KAZN: variants seen among roughly 807,000 people sequenced by gnomAD.
KAZN encodes kazrin.
A neutral mutation model predicts 87.4 loss-of-function variants in KAZN; 40 were observed. The ratio of observed to expected loss-of-function variants is 0.46; its 90% CI spans 0.36 to 0.60. KAZN has a LOEUF of 0.60. Ranked by LOEUF, KAZN falls within the 20% of genes least tolerant of loss-of-function variation. The probability of loss-of-function intolerance (pLI) is 0.00; values close to 1 mark genes in which losing one functional copy is unlikely to be tolerated. For missense variants in KAZN, 898 were observed against 1,073.9 expected (o/e 0.84, Z 2.29); for synonymous variants, 466 against 458.3 (o/e 1.02, Z -0.22).
intron 1 of KAZN, among the ~76,000 whole-genome samples, chr1:14,681,623 A>G (rs1403986552): frequency 0.043 from 389 of 9,138 alleles, 9 homozygotes; most frequent in South Asian, 0.085. Context: ...GTATATATAT[A>G]TATATATATA....
chr1:14,126,581 A>G (rs924793712), intron 1 of KAZN, among the ~76,000 whole-genome samples: 1 of 152,170 alleles, frequency 6.6e-6, no homozygotes, highest in Non-Finnish European at 1.5e-5. Context: ...TGACCTAATG[A>G]CAGACATGGC....
chr1:13,980,827 A>G (rs748117153), intron 1 of KAZN, among the ~76,000 whole-genome samples: 11 of 151,770 alleles, frequency 7.2e-5, no homozygotes, highest in African/African-American at 1.7e-4. Context: ...GGCTGAGATG[A>G]CTCAAATGAT....
intron 2 of KAZN, among the ~76,000 whole-genome samples, chr1:14,420,926 G>A (rs1017372488): frequency 6.3e-5 from 8 of 126,370 alleles, no homozygotes; most frequent in African/African-American, 2.1e-4. Flanking sequence ...ACACCTCCCC[G>A]CAAGCAGAGG....
chr1:15,067,771 T>C (rs1402132283), intron 8 of KAZN: 11 of 985,272 alleles, frequency 1.1e-5, no homozygotes, highest in Middle Eastern at 5.2e-4. Flanking sequence ...CCAAACTGTT[T>C]AACCGAGCCT....
intron 1 of KAZN, among the ~76,000 whole-genome samples, chr1:14,795,665 C>T (rs1645807728): frequency 6.6e-6 from 1 of 152,128 alleles, no homozygotes; most frequent in Admixed American, 6.5e-5. Context: ...ATCTGGCTCT[C>T]ACCTCCTCTC....
intron 1 of KAZN, among the ~76,000 whole-genome samples, chr1:14,832,120 C>G (rs1176816775): frequency 6.6e-6 from 1 of 151,558 alleles, no homozygotes; most frequent in Non-Finnish European, 1.5e-5. Context: ...CACTTGAACC[C>G]AGGAGGCAGA....
intron 7 of KAZN, among the ~76,000 whole-genome samples, chr1:15,064,799 G>A (rs182511150): frequency 8.5e-5 from 13 of 152,326 alleles, no homozygotes; most frequent in Non-Finnish European, 1.5e-5. Context: ...GCCCTGGCAC[G>A]GCAGACAGGG....
At chr1:13,909,560 G>A (rs1237681398) in intron 1 of KAZN, among the ~76,000 whole-genome samples, 1 of 151,564 alleles carries the variant, frequency 6.6e-6, no homozygotes, top group African/African-American at 2.4e-5. Flanking sequence ...CCACCCACCT[G>A]TTCCTACACC....
At chr1:14,728,881 G>A (rs950076685) in intron 1 of KAZN, among the ~76,000 whole-genome samples, 2 of 152,282 alleles carry the variant, frequency 1.3e-5, no homozygotes, top group South Asian at 2.1e-4. Context: ...TTAGATGAGC[G>A]AGCATGTGAG....
At chr1:14,799,113 C>G (rs1293462389) in intron 1 of KAZN, among the ~76,000 whole-genome samples, 1 of 152,104 alleles carries the variant, frequency 6.6e-6, no homozygotes, top group East Asian at 1.9e-4. Context: ...GAACAGAGAC[C>G]CAGTAAGACA....
At chr1:14,180,566 A>G (rs1270524657) in exon 2 of KAZN, 2 of 1,550,100 alleles carry the variant, frequency 1.3e-6, no homozygotes, top group Non-Finnish European at 1.7e-6. Context: ...CATGATATTG[A>G]TGAGGCACCT....
At chr1:14,675,943 C>T (rs903603993) in intron 1 of KAZN, among the ~76,000 whole-genome samples, 3 of 152,058 alleles carry the variant, frequency 2.0e-5, no homozygotes, top group Non-Finnish European at 4.4e-5. Flanking sequence ...CTCTACACCC[C>T]GAGTATGGTT....
In KAZN at chr1:14,571,198, AAG is replaced by A. The variant is rs1200098468; in HGVS notation, c.250-27783_250-27782del. Among the ~76,000 whole-genome samples, 3 of 152,002 alleles carry A rather than the reference AAG, an allele frequency of 2.0e-5. No homozygotes were observed. In the East Asian group the frequency reaches 5.8e-4, roughly 29 times the overall value. Reference sequence around the variant, plus strand: ...AGAAACGTACATAGAATTCAAAACTAAGAACTGTGAGCACAGTCAATTTTTTC... The same window carrying A: ...AGAAACGTACATAGAATTCAAAACTAAACTGTGAGCACAGTCAATTTTTTC... On this transcript the variant is annotated intron_variant, in intron 2 of 16. Transcript: ENST00000636203.
rs139170895 is a variant in KAZN at position 13,984,448 on chromosome 1, A to G, written c.91+90692A>G. ...GAAGTGTAAATTCAAACAACTCCCT[A>G]GAAAGCAACTTGAGCACAAATAAAT... On this transcript the variant is annotated intron_variant, in intron 1 of 16. Transcript: ENST00000636203. Among the ~76,000 whole-genome samples the G allele has an allele frequency of 3.3e-5, 5 of 152,334 alleles. No individual in the cohort carries two copies. The East Asian group carries it at 9.6e-4, about 29-fold the overall frequency.
At chr1:14,890,693 C>G (rs2101158330) in intron 1 of KAZN, among the ~76,000 whole-genome samples, 1 of 152,166 alleles carries the variant, frequency 6.6e-6, no homozygotes, top group East Asian at 1.9e-4. Context: ...ACCCAAAGAT[C>G]TGTATTTTTT....
At chr1:14,610,465 G>C (rs999360563) in intron 1 of KAZN, among the ~76,000 whole-genome samples, 2 of 151,458 alleles carry the variant, frequency 1.3e-5, no homozygotes, top group African/African-American at 2.4e-5. Context: ...CCTCGTGATC[G>C]ACCCACCTCA....
chr1:14,524,669 G>A (rs78750422), intron 2 of KAZN, among the ~76,000 whole-genome samples: 18 of 152,074 alleles, frequency 1.2e-4, no homozygotes, highest in East Asian at 1.9e-4. Flanking sequence ...TGCTTTCACC[G>A]TTCGACTCCA....
chr1:14,111,294 C>G (rs1380439041), intron 1 of KAZN, among the ~76,000 whole-genome samples: 1 of 133,966 alleles, frequency 7.5e-6, no homozygotes, highest in Non-Finnish European at 1.6e-5. Context: ...GCATGGGGAT[C>G]CTGGCTGCTG....
chr1:14,728,619 A>T (rs1162511647), intron 1 of KAZN, among the ~76,000 whole-genome samples: 1 of 152,202 alleles, frequency 6.6e-6, no homozygotes, highest in Non-Finnish European at 1.5e-5. Context: ...TCCTATAACC[A>T]TCACATTACA....
Sources: gnomAD v4.1 joint callset for allele counts (sites outside exome capture counted in the v4.1 genomes callset) on GRCh38, gnomAD v4.1.1 for gene constraint, MANE v1.5 for transcripts, NCBI Gene and HGNC (gene_info 2026-07-23, HGNC 2026-07-21) for gene names.